The following CEP112 variants were observed in gnomAD, a reference collection of about 807,000 sequenced individuals.
The protein encoded by CEP112 is centrosomal protein of 112 kDa.
A neutral mutation model predicts 153.0 loss-of-function variants in CEP112; 127 were observed. That is an observed-to-expected ratio of 0.83 (90% CI 0.72 to 0.96). The LOEUF (loss-of-function observed/expected upper bound fraction) is 0.96. Ranked by LOEUF, CEP112 falls within the 40% of genes least tolerant of loss-of-function variation. The pLI, the probability that CEP112 is intolerant of heterozygous loss-of-function variation, is 0.00. For missense variants in CEP112, 1,089 were observed against 1,101.2 expected, an observed-to-expected ratio of 0.99 and a Z score of 0.16; for synonymous variants, 358 against 374.4, an observed-to-expected ratio of 0.96 and a Z score of 0.51.
At chr17:65,871,703 A>G (rs2058676205) in intron 20 of CEP112, among the ~76,000 whole-genome samples, 1 of 152,220 alleles carries the variant, frequency 6.6e-6, no homozygotes, top group Non-Finnish European at 1.5e-5. Flanking sequence ...CTCTAATGCC[A>G]TTAATGCATT....
At chr17:65,855,728 T>C (rs1043062684) in intron 20 of CEP112, among the ~76,000 whole-genome samples, 3 of 152,190 alleles carry the variant, frequency 2.0e-5, no homozygotes, top group Admixed American at 6.5e-5. Context: ...ACATATATTA[T>C]CTGAAGCAGT....
At chr17:66,045,961 A>G (rs542515513) in intron 12 of CEP112, among the ~76,000 whole-genome samples, 1 of 152,356 alleles carries the variant, frequency 6.6e-6, no homozygotes. Context: ...TACATGACAC[A>G]TGATACCACA....
chr17:66,068,958 C>T (rs1249677933), intron 9 of CEP112, among the ~76,000 whole-genome samples: 1 of 151,684 alleles, frequency 6.6e-6, no homozygotes, highest in Non-Finnish European at 1.5e-5. Flanking sequence ...AAAAATTTGC[C>T]TGTAATATCT....
At chr17:66,035,226 T>C (rs182409046) in intron 12 of CEP112, among the ~76,000 whole-genome samples, 72 of 151,888 alleles carry the variant, frequency 4.7e-4, no homozygotes, top group Admixed American at 3.9e-3. Context: ...CTAAAATAGG[T>C]AACCCGAGGA....
intron 11 of CEP112, among the ~76,000 whole-genome samples, chr17:66,062,630 C>G (rs185526025): frequency 6.6e-6 from 1 of 152,054 alleles, no homozygotes; most frequent in African/African-American, 2.4e-5. Flanking sequence ...GGCCCAAATA[C>G]AAAATTAAAA....
intron 18 of CEP112, among the ~76,000 whole-genome samples, chr17:65,955,164 T>C (rs1348043296): frequency 1.3e-5 from 2 of 152,160 alleles, no homozygotes; most frequent in Non-Finnish European, 2.9e-5. Flanking sequence ...ACAGCAGACT[T>C]CTTGGCAGAA....
chr17:65,675,694 TTAG>T (rs1330796749), intron 24 of CEP112, among the ~76,000 whole-genome samples: 1 of 151,792 alleles, frequency 6.6e-6, no homozygotes, highest in African/African-American at 2.4e-5. Context: ...AAACAAAATA[TTAG>T]TAGACCAAAA....
intron 20 of CEP112, among the ~76,000 whole-genome samples, chr17:65,862,278 G>A (rs887309964): frequency 1.3e-4 from 20 of 152,156 alleles, no homozygotes; most frequent in African/African-American, 4.6e-4. Context: ...ACAGGTACAG[G>A]CAGCAATTTT....
intron 24 of CEP112, among the ~76,000 whole-genome samples, chr17:65,656,066 G>A (rs2046047196): frequency 6.6e-6 from 1 of 152,200 alleles, no homozygotes; most frequent in African/African-American, 2.4e-5. Flanking sequence ...CCAAGGGTCA[G>A]GGGTAGAGTA....
chr17:65,932,254 T>C (rs948757565), intron 18 of CEP112, among the ~76,000 whole-genome samples: 59 of 152,120 alleles, frequency 3.9e-4, no homozygotes, highest in African/African-American at 1.4e-3. Flanking sequence ...AGACTAAATA[T>C]TGAAAGTGTC....
At chr17:65,779,002 T>TAA (rs66515747) in intron 21 of CEP112, among the ~76,000 whole-genome samples, 1 of 151,390 alleles carries the variant, frequency 6.6e-6, no homozygotes, top group African/African-American at 2.4e-5. Context: ...CTTATCTCTT[T>TAA]AAAAAAAAAG....
chr17:66,053,657 G>A, intron 12 of CEP112, 79 bp downstream of exon 12: 3 of 1,396,492 alleles, frequency 2.1e-6, no homozygotes, highest in African/African-American at 1.4e-5. Flanking sequence ...TTTCTACACT[G>A]TGCACATCAG....
chr17:65,878,842 A>G (rs1213156508), intron 20 of CEP112, among the ~76,000 whole-genome samples: 2 of 152,052 alleles, frequency 1.3e-5, no homozygotes, highest in African/African-American at 4.8e-5. Context: ...CTAAAAAAAA[A>G]AAAAATGGAA....
chr17:65,737,816 G>C (rs1319731706), intron 23 of CEP112, among the ~76,000 whole-genome samples: 1 of 152,160 alleles, frequency 6.6e-6, no homozygotes, highest in African/African-American at 2.4e-5. Context: ...AATTTATCCT[G>C]GTTAATCTAC....
At chr17:65,769,542 G>A (rs996970474) in intron 21 of CEP112, among the ~76,000 whole-genome samples, 2 of 152,096 alleles carry the variant, frequency 1.3e-5, no homozygotes, top group African/African-American at 2.4e-5. Context: ...AACCAAAATT[G>A]TATGGTACTG....
chr17:65,899,664 C>T (rs1452512848), intron 20 of CEP112, among the ~76,000 whole-genome samples: 1 of 150,690 alleles, frequency 6.6e-6, no homozygotes, highest in African/African-American at 2.4e-5. Context: ...TTTAAGGAAA[C>T]TGTACTCATT....
chr17:65,802,288 G>A (rs1374035944), intron 21 of CEP112, among the ~76,000 whole-genome samples: 1 of 152,094 alleles, frequency 6.6e-6, no homozygotes. Context: ...CTTGTTCACT[G>A]TTGTTTGCTA....
At chr17:65,927,231 T>C (rs772690067) in intron 19 of CEP112, among the ~76,000 whole-genome samples, 1 of 152,202 alleles carries the variant, frequency 6.6e-6, no homozygotes, top group Non-Finnish European at 1.5e-5. Flanking sequence ...TCTGCCATGA[T>C]TGGGAGCTTC....
chr17:66,163,894 T>C (rs2071820156), intron 4 of CEP112, among the ~76,000 whole-genome samples: 1 of 152,166 alleles, frequency 6.6e-6, no homozygotes. Context: ...AATTAAAAGA[T>C]GTCATTACAA....
Sources: gnomAD v4.1 joint callset for allele counts (sites outside exome capture counted in the v4.1 genomes callset) on GRCh38, gnomAD v4.1.1 for gene constraint, MANE v1.5 for transcripts, NCBI Gene and HGNC (gene_info 2026-07-23, HGNC 2026-07-21) for gene names.